Variants in RC3H2 observed in about 807,000 individuals in gnomAD.
The protein encoded by RC3H2 is roquin-2.
In RC3H2, 31 loss-of-function variants were observed where a neutral mutation model predicts 133.3. The observed-to-expected ratio is 0.23, with a 90% CI of 0.17 to 0.31. The LOEUF (loss-of-function observed/expected upper bound fraction) is 0.31. Among genes scored for constraint, RC3H2 ranks in the 10% least tolerant of loss-of-function variants. The probability of loss-of-function intolerance (pLI) is 1.00; values close to 1 mark genes in which losing one functional copy is unlikely to be tolerated. For synonymous variants in RC3H2, 517 were observed against 502.2 expected (o/e 1.03, Z -0.40); for missense variants, 1,175 against 1,437.2 (o/e 0.82, Z 2.95).
intron 9 of RC3H2, among the ~76,000 whole-genome samples, chr9:122,873,070 C>T (rs1443287418): frequency 6.6e-6 from 1 of 152,026 alleles, no homozygotes; most frequent in Admixed American, 6.6e-5. Flanking sequence ...TATTGAGCAT[C>T]CACATTTTGT....
In RC3H2 at chr9:122,849,329, T is replaced by C. The variant is rs1829934341; in HGVS notation, c.*298A>G. ...TTAAAATAGGAAATGGCTCAGTTAC[T>C]GCACCGGATTGCTACAAACTCATAA... On this transcript the variant is annotated 3_prime_UTR_variant, in exon 21 of 21. Transcript: ENST00000357244. 1 of 152,522 alleles carries C rather than the reference T, an allele frequency of 6.6e-6. No homozygotes were observed. The highest frequency in any genetic ancestry group is 6.5e-5 in the Admixed American group (1 of 15,278). 9.4% of individuals were successfully genotyped at this position (152,522 alleles called of 1,614,324 possible). A position where few individuals can be genotyped will look rare whatever the true frequency, so the allele number is the denominator to read the frequency against.
chr9:122,864,846 G>C (rs148083183), intron 10 of RC3H2, among the ~76,000 whole-genome samples: 1 of 151,808 alleles, frequency 6.6e-6, no homozygotes, highest in Non-Finnish European at 1.5e-5. Context: ...GGATGGTCTC[G>C]ATCTCCAGAC....
At chr9:122,885,810 C>G (rs145960809) in intron 4 of RC3H2, among the ~76,000 whole-genome samples, 1 of 152,272 alleles carries the variant, frequency 6.6e-6, no homozygotes, top group African/African-American at 2.4e-5. Flanking sequence ...TTCATACACT[C>G]TATACACAGC....
intron 1 of RC3H2, among the ~76,000 whole-genome samples, chr9:122,899,000 A>C (rs560854444): frequency 6.6e-6 from 1 of 152,126 alleles, no homozygotes; most frequent in East Asian, 1.9e-4. Context: ...GATGTTTAAA[A>C]ATGTAGTCAC....
In RC3H2 at chr9:122,847,139, A is replaced by T. The variant is rs1829887579; in HGVS notation, c.*2488T>A. On this transcript the variant is annotated 3_prime_UTR_variant, in exon 21 of 21. Coordinates refer to ENST00000357244, the MANE Select transcript of RC3H2 (RefSeq NM_001100588.3). ...ACATACCAATAAGGTTGGCAGGTATATACATATACTGATGCAAATGTAATT... is the reference window on the plus strand; with the variant it reads ...ACATACCAATAAGGTTGGCAGGTATTTACATATACTGATGCAAATGTAATT... 1 of 152,186 alleles carries T rather than the reference A, an allele frequency of 6.6e-6. No homozygotes were observed. Among genetic ancestry groups the T allele is most frequent in the African/African-American group, 2.4e-5 (1 of 41,454 alleles). 9.4% of individuals were successfully genotyped at this position (152,186 alleles called of 1,614,324 possible).
intron 9 of RC3H2, among the ~76,000 whole-genome samples, chr9:122,876,821 G>A (rs1049697377): frequency 6.6e-6 from 1 of 151,920 alleles, no homozygotes; most frequent in Non-Finnish European, 1.5e-5. Flanking sequence ...TTAACCATAG[G>A]AGAAGAGAAA....
intron 8 of RC3H2, among the ~76,000 whole-genome samples, chr9:122,878,840 C>T (rs996910943): frequency 3.3e-5 from 5 of 151,754 alleles, no homozygotes; most frequent in Non-Finnish European, 5.9e-5. Flanking sequence ...CCTCCATCTC[C>T]CGGGTTCAAG....
chr9:122,866,556 C>T (rs112170921), intron 9 of RC3H2, among the ~76,000 whole-genome samples: 7 of 151,816 alleles, frequency 4.6e-5, no homozygotes, highest in East Asian at 1.9e-4. Context: ...AGGCGCGCGC[C>T]GCCACGCCTG....
intron 9 of RC3H2, 24 bp from the exon 10 acceptor site, chr9:122,865,681 T>C (rs752720361): frequency 1.0e-5 from 16 of 1,588,634 alleles, no homozygotes; most frequent in Middle Eastern, 3.6e-4. Flanking sequence ...AATCAACAGA[T>C]TGGTGAATAT....
chr9:122,872,697 G>A (rs1831151089), intron 9 of RC3H2, among the ~76,000 whole-genome samples: 1 of 152,176 alleles, frequency 6.6e-6, no homozygotes, highest in African/African-American at 2.4e-5. Context: ...CGATTCTCGT[G>A]CCTCAGCCTC....
At position 122,868,837 on chromosome 9, in the gene RC3H2, ATATGTGTGTGTG is replaced by A. The variant is rs1451272393; in HGVS notation, c.1326-3192_1326-3181del. 5.0e-4 allele frequency among the ~76,000 whole-genome samples: 62 copies of A among 122,932 alleles called. No individual in the cohort carries two copies. In the East Asian group the frequency reaches 9.8e-3, roughly 19 times the overall value. 80.6% of individuals were successfully genotyped at this position (122,932 alleles called of 152,430 possible). A position where few individuals can be genotyped will look rare whatever the true frequency, so the allele number is the denominator to read the frequency against. ...ATAATCCTTAACAATATTCCCTCCTATATGTGTGTGTGTGTGTGTGTGTGTGTGTGTGTGTGT... is the reference window on the plus strand; with the variant it reads ...ATAATCCTTAACAATATTCCCTCCTATGTGTGTGTGTGTGTGTGTGTGTGT... On this transcript the variant is annotated intron_variant, in intron 9 of 20. Coordinates refer to ENST00000357244, the MANE Select transcript of RC3H2 (RefSeq NM_001100588.3).
rs544202473 is a variant in RC3H2 at position 122,905,285 on chromosome 9, G to A, written c.-243C>T. 65 of 985,652 alleles carry A rather than the reference G, an allele frequency of 6.6e-5. No homozygotes were observed. Among genetic ancestry groups the A allele is most frequent in the Non-Finnish European group, 7.5e-5 (62 of 830,158 alleles). The allele number at this position is 985,652 out of a possible 1,614,324, so 61.1% of individuals were successfully genotyped here. ...GTTGGCGGCGGCGAAGGCCGCGACG[G>A]GGCCTCCTCCTCCTCCCTCCACCTC... On this transcript the variant is annotated 5_prime_UTR_variant, in exon 1 of 21. Coordinates refer to ENST00000357244, the MANE Select transcript of RC3H2 (RefSeq NM_001100588.3).
rs759091509 is a variant in RC3H2, at chr9:122,849,798, C to A, written c.3405G>T (p.Pro1135=). The A allele has an allele frequency of 4.5e-6, 7 of 1,563,432 alleles. No homozygotes were observed. The highest frequency in any genetic ancestry group is 1.2e-5 in the South Asian group (1 of 83,024). The stretch of plus-strand genomic sequence containing the variant: ...GTGGCTGGCTAAAGCAAGAAGTTAC[C>A]GGCAGAATTGTTTTTTGCTCCTCCC... ...VILEEQKTIL[P]VTSCFSQPLP... The change falls in exon 21 of 21, where the codon CCG becomes CCT. Residue 1135 remains proline (P), a synonymous_variant. Transcript: ENST00000357244.
chr9:122,883,143 A>C (rs1690485020), intron 5 of RC3H2, 61 bp downstream of exon 5: 1 of 1,495,142 alleles, frequency 6.7e-7, no homozygotes, highest in Admixed American at 2.0e-5. Context: ...GGGTAACATG[A>C]ATTTCAGGAA....
At chr9:122,873,825 T>G (rs1831213221) in intron 9 of RC3H2, 1 of 152,166 alleles carries the variant, frequency 6.6e-6, no homozygotes, top group South Asian at 2.1e-4. Flanking sequence ...TTTATTTATA[T>G]TTATTTTTTT....
rs1162947874 is a variant in RC3H2 at position 122,897,459 on chromosome 9, G to A, written c.51C>T (p.Cys17=). 1 of 1,614,190 alleles carries A rather than the reference G, an allele frequency of 6.2e-7. No individual in the cohort carries two copies. The highest frequency in any genetic ancestry group is 1.7e-5 in the Admixed American group (1 of 60,028). ...GCACATTCTCATCAAATTCATTATA[G>A]CAGATTGGACAGGACAGAAATTCTG... is the stretch of plus-strand genomic sequence containing the variant. ...QWTEFLSCPI[C]YNEFDENVHK... Residue 17 remains cysteine, a synonymous_variant, in exon 2 of 21, where the codon TGC becomes TGT. Coordinates refer to ENST00000357244, the MANE Select transcript of RC3H2 (RefSeq NM_001100588.3).
chr9:122,855,261 C>T lies in RC3H2; in HGVS notation c.2738G>A (p.Arg913His), dbSNP rs773556826. 3.7e-6 allele frequency: 6 copies of T among 1,613,932 alleles called. No individual in the cohort carries two copies. Among genetic ancestry groups the T allele is most frequent in the Admixed American group, 1.7e-5 (1 of 59,994 alleles). The part of the protein sequence containing the change: ...SKWGAISRSS[R>H]TGYHTTDPVQ... The stretch of plus-strand genomic sequence containing the variant: ...AGGATCTGTGGTATGGTAACCTGTA[C>T]GGGAAGATCTGGAAATCGCACCCCA... Residue 913 changes from arginine to histidine, a missense_variant, in exon 15 of 21, where the codon CGT (arginine) becomes CAT (histidine). Physicochemically the swap from Arg to His is conservative, Grantham distance 29. Coordinates refer to ENST00000357244, the MANE Select transcript of RC3H2 (RefSeq NM_001100588.3).
chr9:122,863,169 T>C (rs1564290701), intron 10 of RC3H2, among the ~76,000 whole-genome samples: 5 of 152,340 alleles, frequency 3.3e-5, no homozygotes, highest in Middle Eastern at 6.8e-3. Context: ...TTAACATAAA[T>C]GTGACCTTTT....
At chr9:122,885,390 G>T (rs575699930) in intron 4 of RC3H2, among the ~76,000 whole-genome samples, 1 of 152,068 alleles carries the variant, frequency 6.6e-6, no homozygotes, top group Non-Finnish European at 1.5e-5. Flanking sequence ...CAAATACATG[G>T]TTATTAATCA....
Sources: allele counts gnomAD v4.1 joint callset (sites outside exome capture counted in the v4.1 genomes callset), GRCh38; gene constraint gnomAD v4.1.1; transcripts MANE v1.5; gene names NCBI Gene and HGNC (gene_info 2026-07-23, HGNC 2026-07-21).